Variants in NIBAN1 observed in about 807,000 individuals in gnomAD.
The protein encoded by NIBAN1 is protein Niban 1.
In NIBAN1, 81 loss-of-function variants were observed where a neutral mutation model predicts 75.1. The observed-to-expected ratio is 1.08, with a 90% CI of 0.90 to 1.30. The LOEUF (loss-of-function observed/expected upper bound fraction) is 1.30. NIBAN1 is among the 50% of genes most tolerant of loss of function. NIBAN1 has a pLI of 0.00. For synonymous variants in NIBAN1, 436 were observed against 424.8 expected (o/e 1.03, Z -0.32); for missense variants, 1,133 against 1,128.1 (o/e 1.00, Z -0.06).
intron 1 of NIBAN1, among the ~76,000 whole-genome samples, chr1:184,917,411 A>C (rs987158164): frequency 4.3e-5 from 5 of 116,708 alleles, no homozygotes; most frequent in East Asian, 2.5e-4. Flanking sequence ...ACGGGGTTTC[A>C]CCATGTTAGC....
At chr1:184,796,820 C>T (rs1018876528) in intron 13 of NIBAN1, among the ~76,000 whole-genome samples, 2 of 152,186 alleles carry the variant, frequency 1.3e-5, no homozygotes, top group Non-Finnish European at 1.5e-5. Context: ...GTTTCCTTCT[C>T]TAACAAAATC....
intron 1 of NIBAN1, among the ~76,000 whole-genome samples, chr1:184,928,182 G>T (rs1481956674): frequency 1.3e-5 from 2 of 152,058 alleles, no homozygotes; most frequent in Non-Finnish European, 2.9e-5. Context: ...TCAGGACTTT[G>T]CCTGGTCCCC....
Position 184,890,211 on chromosome 1 carries a change from T to G in NIBAN1, c.330A>C (p.Arg110Ser). Reference protein sequence around the residue: ...ESYENKEAYQRGAAPKCRILP... With the variant: ...ESYENKEAYQSGAAPKCRILP... The stretch of plus-strand genomic sequence containing the variant: ...GAATTCGACATTTAGGAGCAGCTCC[T>G]CTCTGATAGGCCTGGGGAGGGAAAG... Residue 110 changes from arginine to serine, a missense_variant, in exon 4 of 14, where the codon AGA becomes AGC. Physicochemically the swap from Arg to Ser is moderately radical, Grantham distance 110. Coordinates refer to ENST00000367511, the MANE Select transcript of NIBAN1 (RefSeq NM_052966.4). The G allele has an allele frequency of 6.2e-7, 1 of 1,613,468 alleles. No homozygotes were observed. The highest frequency in any genetic ancestry group is 8.5e-7 in the Non-Finnish European group (1 of 1,179,468).
chr1:184,943,295 C>T (rs1361098993), intron 1 of NIBAN1, among the ~76,000 whole-genome samples: 1 of 151,936 alleles, frequency 6.6e-6, no homozygotes, highest in Non-Finnish European at 1.5e-5. Context: ...GGGGTTTAGC[C>T]TGAGAAAGTA....
At chr1:184,905,828 C>A (rs1248382036) in intron 1 of NIBAN1, among the ~76,000 whole-genome samples, 2 of 152,134 alleles carry the variant, frequency 1.3e-5, no homozygotes, top group Non-Finnish European at 2.9e-5. Flanking sequence ...GAAAGAATGG[C>A]TGAGTAAATA....
intron 5 of NIBAN1, among the ~76,000 whole-genome samples, chr1:184,858,668 T>C (rs1206734533): frequency 6.6e-6 from 1 of 152,198 alleles, no homozygotes; most frequent in Non-Finnish European, 1.5e-5. Flanking sequence ...AAAATACATT[T>C]ACCCAGCAAT....
Position 184,795,107 on chromosome 1 carries a change from G to A in NIBAN1, c.2657C>T (p.Ala886Val). 1 of 1,614,050 alleles carries A rather than the reference G, an allele frequency of 6.2e-7. No homozygotes were observed. Among genetic ancestry groups the A allele is most frequent in the Non-Finnish European group, 8.5e-7 (1 of 1,180,036 alleles). The change falls in exon 14 of 14, where the codon GCC (alanine) becomes GTC (valine). Residue 886 changes from alanine to valine, a missense_variant. Physicochemically the swap from Ala to Val is moderately conservative, Grantham distance 64. Coordinates refer to ENST00000367511, the MANE Select transcript of NIBAN1 (RefSeq NM_052966.4). ...CACCCACTGACACTCATGAATACGG[G>A]CTACCTTGATCTCCTCTGCATTCAC... ...ASVNAEEIKV[A>V]RIHECQWVVE... is the part of the protein sequence containing the mutation.
intron 1 of NIBAN1, among the ~76,000 whole-genome samples, chr1:184,918,481 C>A (rs1431977112): frequency 6.6e-6 from 1 of 152,184 alleles, no homozygotes; most frequent in Non-Finnish European, 1.5e-5. Context: ...AGCTTCTCCT[C>A]TATCCACAGA....
intron 1 of NIBAN1, among the ~76,000 whole-genome samples, chr1:184,955,766 A>G (rs1658473469): frequency 6.6e-6 from 1 of 152,240 alleles, no homozygotes; most frequent in Admixed American, 6.5e-5. Context: ...GGAAAAAGTG[A>G]CAATAAAAAC....
intron 6 of NIBAN1, among the ~76,000 whole-genome samples, chr1:184,829,458 T>C (rs1378653914): frequency 7.7e-6 from 1 of 130,564 alleles, no homozygotes; most frequent in African/African-American, 2.7e-5. Context: ...ATTAAATACA[T>C]ATATTCTTTT....
Position 184,884,733 on chromosome 1 carries a change from C to T in NIBAN1, c.501G>A (p.Trp167Ter), listed in dbSNP as rs1465127331. 4 of 1,614,220 alleles carry T rather than the reference C, an allele frequency of 2.5e-6. No homozygotes were observed. The highest frequency in any genetic ancestry group is 3.4e-6 in the Non-Finnish European group (4 of 1,180,018). Residue 167 changes from tryptophan to a stop codon, truncating the protein, a stop_gained, in exon 5 of 14, where the codon TGG becomes TGA. Coordinates refer to ENST00000367511, the MANE Select transcript of NIBAN1 (RefSeq NM_052966.4). LOFTEE classifies it high-confidence loss of function. ...VLPKEFPVYL[W>*]QPFFRHGYFC... ...AGTAGCCGTGTCTGAAGAAGGGCTG[C>T]CACAGGTACACTGGGAATTCCTTGG...
chr1:184,852,014 GTGTT>G (rs1412634228), intron 5 of NIBAN1, among the ~76,000 whole-genome samples: 1 of 152,026 alleles, frequency 6.6e-6, no homozygotes, highest in East Asian at 1.9e-4. Context: ...CCAATCCAAG[GTGTT>G]TGTAAAGAAC....
chr1:184,838,639 C>T (rs969153475), intron 5 of NIBAN1, among the ~76,000 whole-genome samples: 1 of 152,076 alleles, frequency 6.6e-6, no homozygotes, highest in African/African-American at 2.4e-5. Context: ...CTCTTGGGGA[C>T]AGTTATTCAT....
intron 9 of NIBAN1, among the ~76,000 whole-genome samples, chr1:184,809,368 G>T (rs1343874298): frequency 6.6e-6 from 1 of 152,088 alleles, no homozygotes; most frequent in Non-Finnish European, 1.5e-5. Context: ...GGAAAAATGG[G>T]TTCCCACTTT....
intron 1 of NIBAN1, among the ~76,000 whole-genome samples, chr1:184,919,511 C>T (rs1657473938): frequency 6.6e-6 from 1 of 152,140 alleles, no homozygotes. Context: ...AAAATAACCA[C>T]GTTTAAACGG....
At chr1:184,942,329 A>G (rs1221722095) in intron 1 of NIBAN1, among the ~76,000 whole-genome samples, 1 of 152,262 alleles carries the variant, frequency 6.6e-6, no homozygotes, top group African/African-American at 2.4e-5. Context: ...AAGAGATGCA[A>G]TCTGTGGGTT....
chr1:184,809,122 G>A (rs1052829721), intron 9 of NIBAN1, among the ~76,000 whole-genome samples: 8 of 152,280 alleles, frequency 5.3e-5, no homozygotes, highest in East Asian at 1.9e-4. Context: ...TGCACTGTCC[G>A]ACTTTCAGCT....
intron 1 of NIBAN1, among the ~76,000 whole-genome samples, chr1:184,904,216 A>G (rs1422128690): frequency 6.6e-6 from 1 of 151,926 alleles, no homozygotes; most frequent in Non-Finnish European, 1.5e-5. Flanking sequence ...TTTTTTGTAG[A>G]GACAGGGTTT....
chr1:184,947,292 CAGA>C (rs1163931959), intron 1 of NIBAN1, among the ~76,000 whole-genome samples: 3 of 151,980 alleles, frequency 2.0e-5, no homozygotes, highest in Non-Finnish European at 4.4e-5. Flanking sequence ...GCTTCAGACA[CAGA>C]AGAACAAATA....
Sources: allele counts gnomAD v4.1 joint callset (sites outside exome capture counted in the v4.1 genomes callset), GRCh38; gene constraint gnomAD v4.1.1; transcripts MANE v1.5; gene names NCBI Gene and HGNC (gene_info 2026-07-23, HGNC 2026-07-21).